Variants in GOSR2 observed in about 807,000 individuals in gnomAD.
The protein encoded by GOSR2 is 27 kDa Golgi SNARE protein.
Under a neutral mutation model 27.9 loss-of-function variants are expected in GOSR2, and 20 were observed. The observed-to-expected ratio is 0.72, with a 90% CI of 0.50 to 1.04. The LOEUF (loss-of-function observed/expected upper bound fraction) is 1.04, where lower values mean the gene tolerates loss of function less well. Ranked by LOEUF, GOSR2 falls within the 50% of genes least tolerant of loss-of-function variation. The pLI, the probability that GOSR2 is intolerant of heterozygous loss-of-function variation, is 0.00. For synonymous variants in GOSR2, 91 were observed against 98.8 expected (o/e 0.92, Z 0.47); for missense variants, 261 against 270.5 (o/e 0.97, Z 0.25).
In GOSR2 at chr17:46,960,526, CTT is replaced by C. The variant is rs201137124; in HGVS notation, c.584-6005_584-6004del. ...GGTATTTACCCAAGTGAAAGGAAAA[CTT>C]TTGTTCACACATACATAAAAAAACT... On this transcript the variant is annotated intron_variant, in intron 6 of 6. Transcript: ENST00000573224. 8.3e-3 allele frequency among the ~76,000 whole-genome samples: 1,262 copies of C among 152,294 alleles called. 8 individuals carry two copies. The highest frequency in any genetic ancestry group is 0.034 in the Middle Eastern group (10 of 294).
intron 6 of GOSR2, among the ~76,000 whole-genome samples, chr17:46,959,382 G>T (rs762893764): frequency 6.6e-6 from 1 of 152,128 alleles, no homozygotes; most frequent in Non-Finnish European, 1.5e-5. Flanking sequence ...TTTTTGTCTG[G>T]TAGTCCTCAA....
downstream of GOSR2, among the ~76,000 whole-genome samples, chr17:46,943,178 C>T (rs191264403): frequency 2.6e-5 from 4 of 152,218 alleles, no homozygotes; most frequent in South Asian, 2.1e-4. Context: ...CTGGCCGCAC[C>T]GTGGGAACCA....
intron 6 of GOSR2, among the ~76,000 whole-genome samples, chr17:46,953,653 C>T (rs568799280): frequency 1.3e-5 from 2 of 152,328 alleles, no homozygotes; most frequent in Middle Eastern, 3.4e-3. Context: ...AACTAGTTTA[C>T]AGTCCCGCCA....
downstream of GOSR2, among the ~76,000 whole-genome samples, chr17:46,943,541 CT>C (rs1231540865): frequency 6.6e-6 from 1 of 152,260 alleles, no homozygotes; most frequent in Non-Finnish European, 1.5e-5. Context: ...TCCAAACAAC[CT>C]CATACTGCAC....
chr17:46,923,454 C>A, intron 1 of GOSR2: 1 of 1,402,848 alleles, frequency 7.1e-7, no homozygotes. Flanking sequence ...CTGGGGTCTG[C>A]AAGTTCGTGA....
intron 6 of GOSR2, chr17:46,948,579 G>T (rs995773905): frequency 1.3e-5 from 2 of 152,260 alleles, no homozygotes; most frequent in African/African-American, 2.4e-5. Context: ...CAGTGTCCTC[G>T]TAGGGGAAAT....
At chr17:46,934,034 C>T (rs144248027) in intron 4 of GOSR2, among the ~76,000 whole-genome samples, 4 of 152,156 alleles carry the variant, frequency 2.6e-5, no homozygotes, top group East Asian at 3.9e-4. Flanking sequence ...TCACAGCTGG[C>T]GAGGACTTGG....
Position 46,941,740 on chromosome 17 carries a change from ATTTT to A in GOSR2, c.*2993_*2996del. 1 of 149,434 alleles carries A rather than the reference ATTTT, an allele frequency of 6.7e-6. No individual in the cohort carries two copies. Among genetic ancestry groups the A allele is most frequent in the Non-Finnish European group, 1.4e-5 (1 of 71,874 alleles). 9.3% of individuals were successfully genotyped at this position (149,434 alleles called of 1,614,324 possible). A position where few individuals can be genotyped will look rare whatever the true frequency, so the allele number is the denominator to read the frequency against. On this transcript the variant is annotated 3_prime_UTR_variant, in exon 6 of 6. Transcript: ENST00000640051. ...AAGTGTGTGCCACCATGTCTGGCTAATTTTTTTTTTTTTTTTGTATTTTTTAGTA... is the reference window on the plus strand; with the variant it reads ...AAGTGTGTGCCACCATGTCTGGCTAATTTTTTTTTTTTGTATTTTTTAGTA...
At chr17:46,963,843 A>G (rs1411771137) in intron 6 of GOSR2, 2 of 152,142 alleles carry the variant, frequency 1.3e-5, no homozygotes, top group African/African-American at 4.8e-5. Context: ...AGAGAATAGC[A>G]TCTTGCTCTG....
downstream of GOSR2, among the ~76,000 whole-genome samples, chr17:46,945,714 C>T (rs541291797): frequency 7.4e-4 from 113 of 152,212 alleles, no homozygotes; most frequent in African/African-American, 2.6e-3. Context: ...CTTCTGGCCT[C>T]CTCTAAGAGT....
chr17:46,941,116 G>A lies in GOSR2; in HGVS notation c.*2356G>A. On this transcript the variant is annotated 3_prime_UTR_variant, in exon 6 of 6. Transcript: ENST00000640051. The stretch of plus-strand genomic sequence containing the variant: ...TGCCTATTGTGATTTAAAACAGGTG[G>A]GTTATCAAGAGGAACTTGAGATCTC... The A allele has an allele frequency of 2.0e-6, 2 of 1,021,254 alleles. No homozygotes were observed. The highest frequency in any genetic ancestry group is 2.4e-6 in the Non-Finnish European group (2 of 850,020). 63.3% of individuals were successfully genotyped at this position (1,021,254 alleles called of 1,614,324 possible).
At chr17:46,950,296 C>T (rs1165612009) in intron 6 of GOSR2, among the ~76,000 whole-genome samples, 1 of 152,120 alleles carries the variant, frequency 6.6e-6, no homozygotes, top group Non-Finnish European at 1.5e-5. Flanking sequence ...GACTCTCTGC[C>T]TCTTGTAGGT....
chr17:46,935,404 C>T, intron 5 of GOSR2: 1 of 1,430,910 alleles, frequency 7.0e-7, no homozygotes, highest in Non-Finnish European at 9.1e-7. Flanking sequence ...TCTTAGGATC[C>T]AGGTCTTTTC....
Position 46,957,580 on chromosome 17 carries a change from T to G in GOSR2, c.584-8954T>G, listed in dbSNP as rs200174370. ...GTGAGCTGAGATCATGCCACTGCAC[T>G]CCAGCCTAGGTGACAGAGTGAGACT... On this transcript the variant is annotated intron_variant, in intron 6 of 6. Transcript: ENST00000573224. Among the ~76,000 whole-genome samples the G allele has an allele frequency of 1.4e-3, 213 of 152,116 alleles. 3 individuals carry two copies. The highest frequency in any genetic ancestry group is 6.0e-3 in the East Asian group (31 of 5,166).
chr17:46,966,507 C>G, intron 6 of GOSR2: 1 of 685,796 alleles, frequency 1.5e-6, no homozygotes, highest in South Asian at 1.6e-5. Context: ...CCCACCACAC[C>G]CGATTAATTT....
intron 6 of GOSR2, among the ~76,000 whole-genome samples, chr17:46,955,263 A>G (rs896794008): frequency 3.3e-5 from 5 of 151,818 alleles, no homozygotes; most frequent in Non-Finnish European, 7.4e-5. Context: ...TTCTGCATCT[A>G]TTGAGATAAT....
intron 4 of GOSR2, among the ~76,000 whole-genome samples, chr17:46,933,960 A>G (rs2087827504): frequency 6.6e-6 from 1 of 151,214 alleles, no homozygotes; most frequent in Non-Finnish European, 1.5e-5. Flanking sequence ...AAAAAACACG[A>G]AACAAACCCC....
At position 46,931,358 on chromosome 17, in the gene GOSR2, TTCTA is replaced by T. The variant is rs2087349803; in HGVS notation, c.203+155_203+158del. The T allele has an allele frequency of 1.3e-5, 9 of 670,718 alleles. No individual in the cohort carries two copies. The Admixed American group carries it at 1.7e-4, about 13-fold the overall frequency. 41.5% of individuals were successfully genotyped at this position (670,718 alleles called of 1,614,324 possible). On this transcript the variant is annotated intron_variant, in intron 3 of 5. Transcript: ENST00000640051. ...GAAAAAGCCCCCTCAAAGGGCACAA[TTCTA>T]TCTGAGTGATGCCGCTCAAAATAAA...
chr17:46,946,538 G>A (rs982399393), downstream of GOSR2, among the ~76,000 whole-genome samples: 1 of 150,500 alleles, frequency 6.6e-6, no homozygotes, highest in African/African-American at 2.4e-5. Flanking sequence ...CTCAAGCTCA[G>A]TATTGCAGCC....
Sources: gnomAD v4.1 joint callset for allele counts (sites outside exome capture counted in the v4.1 genomes callset) on GRCh38, gnomAD v4.1.1 for gene constraint, MANE v1.5 for transcripts, NCBI Gene and HGNC (gene_info 2026-07-23, HGNC 2026-07-21) for gene names.